The following PDE11A variants were observed in gnomAD, a reference collection of about 807,000 sequenced individuals.
PDE11A encodes dual 3',5'-cyclic-AMP and -GMP phosphodiesterase 11A.
Under a neutral mutation model 100.5 loss-of-function variants are expected in PDE11A, and 100 were observed. The ratio of observed to expected loss-of-function variants is 1.00; its 90% CI spans 0.85 to 1.18. The LOEUF is 1.18. PDE11A is among the 50% of genes most tolerant of loss of function. The pLI is 0.00. For synonymous variants in PDE11A, 381 were observed against 420.8 expected (o/e 0.91, Z 1.16); for missense variants, 1,141 against 1,152.6 (o/e 0.99, Z 0.15).
At chr2:177,642,253 G>A (rs1049295260) in intron 19 of PDE11A, among the ~76,000 whole-genome samples, 7 of 152,206 alleles carry the variant, frequency 4.6e-5, no homozygotes, top group African/African-American at 1.7e-4. Flanking sequence ...ATAGGTCTAT[G>A]GAGGTCAAGA....
Position 178,014,291 on chromosome 2 carries a change from T to C in PDE11A, c.1071+11A>G, listed in dbSNP as rs776239583. On this transcript the variant is annotated intron_variant, in intron 2 of 19. Coordinates refer to ENST00000286063, the MANE Select transcript of PDE11A (RefSeq NM_016953.4). ...AGAAAAGTACAACTCACAAAAGGCA[T>C]GAAATCTTACTTTTTCATCATCTTC... The C allele has an allele frequency of 1.4e-5, 23 of 1,603,764 alleles. No individual in the cohort carries two copies. Among genetic ancestry groups the C allele is most frequent in the Non-Finnish European group, 1.9e-5 (22 of 1,170,786 alleles).
At chr2:177,941,606 C>G (rs1398943474) in intron 2 of PDE11A, among the ~76,000 whole-genome samples, 1 of 152,196 alleles carries the variant, frequency 6.6e-6, no homozygotes, top group East Asian at 1.9e-4. Context: ...CCAGTCCAGG[C>G]AAACGGGGTT....
At chr2:177,853,705 TGTGTGTGTTTGTG>T (rs1464282721) in intron 5 of PDE11A, among the ~76,000 whole-genome samples, 3 of 35,566 alleles carry the variant, frequency 8.4e-5, no homozygotes. Flanking sequence ...TGTGTGTGTG[TGTGTGTGTTTGTG>T]TGTGTGTGTG....
chr2:177,775,254 G>A (rs559538855), intron 9 of PDE11A, among the ~76,000 whole-genome samples: 15 of 152,086 alleles, frequency 9.9e-5, no homozygotes, highest in Admixed American at 2.0e-4. Flanking sequence ...GTGGTAATTC[G>A]TTACAGCAGC....
chr2:178,103,907 CA>C (rs1262501845), intron 2 of PDE11A, among the ~76,000 whole-genome samples: 1 of 151,966 alleles, frequency 6.6e-6, no homozygotes, highest in Non-Finnish European at 1.5e-5. Context: ...TTCCCACAAA[CA>C]AAAAAACATG....
chr2:177,813,792 G>T (rs947855806), intron 9 of PDE11A, among the ~76,000 whole-genome samples: 39 of 151,950 alleles, frequency 2.6e-4, no homozygotes, highest in South Asian at 1.0e-3. Flanking sequence ...GTCACTGGGT[G>T]CTGTGGAATG....
chr2:178,060,461 A>G (rs1479952848), intron 1 of PDE11A, among the ~76,000 whole-genome samples: 1 of 151,924 alleles, frequency 6.6e-6, no homozygotes, highest in Non-Finnish European at 1.5e-5. Context: ...TACTGAGCCC[A>G]AACAAAGTGA....
intron 19 of PDE11A, among the ~76,000 whole-genome samples, chr2:177,653,747 CA>C (rs993803239): frequency 6.6e-6 from 1 of 152,184 alleles, no homozygotes; most frequent in African/African-American, 2.4e-5. Flanking sequence ...CACAAGGAAC[CA>C]CCCCTGCTGA....
intron 16 of PDE11A, among the ~76,000 whole-genome samples, chr2:177,677,664 C>G (rs1458415202): frequency 6.6e-6 from 1 of 151,954 alleles, no homozygotes; most frequent in African/African-American, 2.4e-5. Context: ...GAGCCTAAAA[C>G]AAGGAAGGGA....
intron 5 of PDE11A, among the ~76,000 whole-genome samples, chr2:177,857,104 T>C (rs1452582831): frequency 6.6e-6 from 1 of 151,914 alleles, no homozygotes; most frequent in African/African-American, 2.4e-5. Context: ...GATTAATATC[T>C]CCATGATCAG....
intron 2 of PDE11A, chr2:177,922,817 C>A (rs2085072552): frequency 1.0e-6 from 1 of 984,772 alleles, no homozygotes; most frequent in South Asian, 4.7e-5. Context: ...TTCCAGCACT[C>A]TTCTCCCTCT....
chr2:177,663,750 G>A (rs1206258591), intron 19 of PDE11A, 116 bp downstream of exon 19: 1 of 728,898 alleles, frequency 1.4e-6, no homozygotes, highest in Non-Finnish European at 2.5e-6. Context: ...TGCAGCCAGA[G>A]CTCTCCGCAA....
At chr2:177,788,767 T>G (rs2082580757) in intron 9 of PDE11A, among the ~76,000 whole-genome samples, 2 of 152,032 alleles carry the variant, frequency 1.3e-5, no homozygotes, top group African/African-American at 4.8e-5. Flanking sequence ...ACAACTCTAC[T>G]CAAATAAACT....
At chr2:177,667,399 A>G (rs2080605461) in intron 18 of PDE11A, among the ~76,000 whole-genome samples, 1 of 152,146 alleles carries the variant, frequency 6.6e-6, no homozygotes, top group South Asian at 2.1e-4. Context: ...ATTTAGGTGT[A>G]TGATCCATTT....
intron 10 of PDE11A, among the ~76,000 whole-genome samples, chr2:177,751,539 G>A (rs1342242048): frequency 1.4e-4 from 21 of 152,214 alleles, no homozygotes; most frequent in Non-Finnish European, 1.5e-5. Flanking sequence ...TCCCTGGGAA[G>A]TGGGAGCTGG....
At chr2:177,840,844 A>G (rs1162138871) in intron 5 of PDE11A, among the ~76,000 whole-genome samples, 1 of 152,276 alleles carries the variant, frequency 6.6e-6, no homozygotes, top group African/African-American at 2.4e-5. Flanking sequence ...AAAAGAATGT[A>G]TCTAGACTAT....
chr2:178,036,800 G>A (rs1011333425), intron 1 of PDE11A, among the ~76,000 whole-genome samples: 1 of 152,118 alleles, frequency 6.6e-6, no homozygotes, highest in South Asian at 2.1e-4. Context: ...AAATGGTGCT[G>A]GGAAAACTGG....
At chr2:177,895,890 C>A (rs1208251530) in intron 4 of PDE11A, among the ~76,000 whole-genome samples, 1 of 144,104 alleles carries the variant, frequency 6.9e-6, no homozygotes, top group African/African-American at 3.0e-5. Flanking sequence ...CAAAACATCA[C>A]ACTGTATACC....
At chr2:177,921,236 T>G (rs909361782) in intron 2 of PDE11A, among the ~76,000 whole-genome samples, 5 of 151,758 alleles carry the variant, frequency 3.3e-5, no homozygotes, top group Non-Finnish European at 7.4e-5. Context: ...GCTTTTTTAT[T>G]GCCTCTGCAT....
Sources: allele counts gnomAD v4.1 joint callset (sites outside exome capture counted in the v4.1 genomes callset), GRCh38; gene constraint gnomAD v4.1.1; transcripts MANE v1.5; gene names NCBI Gene and HGNC (gene_info 2026-07-23, HGNC 2026-07-21).